The following SHROOM4 variants were observed in gnomAD, a reference collection of about 807,000 sequenced individuals.
SHROOM4 encodes shroom family member 4.
A neutral mutation model predicts 80.3 loss-of-function variants in SHROOM4; 17 were observed. The ratio of observed to expected loss-of-function variants is 0.21; its 90% CI spans 0.14 to 0.32. The LOEUF is 0.32. SHROOM4 is among the 10% of genes least tolerant of loss of function. The probability of loss-of-function intolerance (pLI) is 1.00; values close to 1 mark genes in which losing one functional copy is unlikely to be tolerated. For missense variants in SHROOM4, 993 were observed against 1,140.3 expected, an observed-to-expected ratio of 0.87 and a Z score of 1.86; for synonymous variants, 400 against 437.5, an observed-to-expected ratio of 0.91 and a Z score of 1.07.
At chrX:50,699,422 T>C (rs941960427) in intron 1 of SHROOM4, among the ~76,000 whole-genome samples, 1 of 112,219 alleles carries the variant, frequency 8.9e-6, no homozygotes, top group Non-Finnish European at 1.9e-5. Flanking sequence ...TTTTCAGCTC[T>C]GACATTCAGT....
intron 5 of SHROOM4, among the ~76,000 whole-genome samples, chrX:50,613,826 G>A (rs937358107): frequency 8.9e-6 from 1 of 111,926 alleles, no homozygotes; most frequent in Non-Finnish European, 1.9e-5. Context: ...AATTAAAATC[G>A]TAAGAATTAT....
chrX:50,695,223 A>G (rs926760958), intron 2 of SHROOM4, among the ~76,000 whole-genome samples: 1 of 112,225 alleles, frequency 8.9e-6, no homozygotes, highest in African/African-American at 3.2e-5. Context: ...TACCTTCTGC[A>G]GTGATCTCTT....
chrX:50,712,465 A>G (rs904609529), intron 1 of SHROOM4, among the ~76,000 whole-genome samples: 2 of 112,108 alleles, frequency 1.8e-5, no homozygotes, highest in African/African-American at 6.5e-5. Context: ...TCAAAGGATA[A>G]ATGCTTGAAA....
chrX:50,726,634 G>A (rs1002445782), intron 1 of SHROOM4, among the ~76,000 whole-genome samples: 3 of 112,743 alleles, frequency 2.7e-5, no homozygotes, highest in Non-Finnish European at 5.6e-5. Context: ...TGCTTCAGAG[G>A]GTGCAAGCCT....
At chrX:50,786,295 A>T (rs782324353) in intron 1 of SHROOM4, among the ~76,000 whole-genome samples, 10 of 111,746 alleles carry the variant, frequency 8.9e-5, no homozygotes, top group Non-Finnish European at 1.7e-4. Flanking sequence ...GCACCTAGCC[A>T]CCTTGGAACC....
intron 2 of SHROOM4, among the ~76,000 whole-genome samples, chrX:50,676,646 C>T (rs1932858254): frequency 9.1e-6 from 1 of 110,420 alleles, no homozygotes; most frequent in Non-Finnish European, 1.9e-5. Context: ...TTCTTTGTAC[C>T]CATCTTTAGC....
chrX:50,592,958 G>C lies in SHROOM4; in HGVS notation c.*3737C>G, dbSNP rs186233514. ...GAAGAAATATATCAGTGAGCTAAAG[G>C]GCAGGGCTGTGATCCTGAGATCCTT... is the stretch of plus-strand genomic sequence containing the variant. On this transcript the variant is annotated 3_prime_UTR_variant, in exon 9 of 9. Transcript: ENST00000376020. 1 of 111,932 alleles carries C rather than the reference G, an allele frequency of 8.9e-6. No homozygotes were observed. Among genetic ancestry groups the C allele is most frequent in the Non-Finnish European group, 1.9e-5 (1 of 53,252 alleles). 9.2% of individuals were successfully genotyped at this position (111,932 alleles called of 1,213,427 possible). A position where few individuals can be genotyped will look rare whatever the true frequency, so the allele number is the denominator to read the frequency against.
intron 2 of SHROOM4, among the ~76,000 whole-genome samples, chrX:50,683,536 GAGA>G (rs782801469): frequency 4.2e-4 from 47 of 111,657 alleles, no homozygotes; most frequent in African/African-American, 1.4e-3. Context: ...GCAAACAAGA[GAGA>G]AGAAGTTTGA....
chrX:50,684,143 G>A (rs1933004519), intron 2 of SHROOM4, among the ~76,000 whole-genome samples: 1 of 112,013 alleles, frequency 8.9e-6, no homozygotes, highest in African/African-American at 3.2e-5. Context: ...CCTGTTTGGA[G>A]ACAGAGCCTT....
At chrX:50,812,873 G>A (rs1290383884) in intron 1 of SHROOM4, among the ~76,000 whole-genome samples, 1 of 111,965 alleles carries the variant, frequency 8.9e-6, no homozygotes, top group African/African-American at 3.3e-5. Context: ...AGGGCTTTTC[G>A]GATTTGAGGA....
chrX:50,683,219 G>A (rs1375732813), intron 2 of SHROOM4, among the ~76,000 whole-genome samples: 1 of 111,431 alleles, frequency 9.0e-6, no homozygotes, highest in Non-Finnish European at 1.9e-5. Flanking sequence ...TCCCTCTAGA[G>A]AACTCTGACG....
In SHROOM4 at chrX:50,681,116, G is replaced by A. The variant is rs990593196; in HGVS notation, c.269+14670C>T. ...ATCTCCATCACTAAAATCCAAATCC[G>A]ACTCATTACCATCTCTTGCTTGAAT... On this transcript the variant is annotated intron_variant, in intron 2 of 8. Coordinates refer to ENST00000376020, the MANE Select transcript of SHROOM4 (RefSeq NM_020717.5). Among the ~76,000 whole-genome samples, 7 of 110,416 alleles carry A rather than the reference G, an allele frequency of 6.3e-5. No individual in the cohort carries two copies. In the East Asian group the frequency reaches 2.0e-3, roughly 32 times the overall value.
intron 1 of SHROOM4, among the ~76,000 whole-genome samples, chrX:50,708,608 A>G (rs1051150271): frequency 2.7e-5 from 3 of 112,187 alleles, no homozygotes; most frequent in African/African-American, 9.7e-5. Flanking sequence ...GTGCTCAAAA[A>G]TAGTCTCTAC....
intron 1 of SHROOM4, among the ~76,000 whole-genome samples, chrX:50,775,867 G>A (rs782086140): frequency 8.9e-6 from 1 of 112,372 alleles, no homozygotes; most frequent in Non-Finnish European, 1.9e-5. Context: ...GGAAATTCCA[G>A]TAAGAAAAGA....
At chrX:50,646,282 C>T (rs1332439218) in intron 2 of SHROOM4, among the ~76,000 whole-genome samples, 1 of 111,489 alleles carries the variant, frequency 9.0e-6, no homozygotes, top group Non-Finnish European at 1.9e-5. Flanking sequence ...GCACATTCCA[C>T]CTGCCCCACA....
At chrX:50,786,624 C>T (rs962904374) in intron 1 of SHROOM4, among the ~76,000 whole-genome samples, 1 of 111,270 alleles carries the variant, frequency 9.0e-6, no homozygotes, top group Non-Finnish European at 1.9e-5. Context: ...TTTAAAAGGC[C>T]CCCTAAATCT....
intron 4 of SHROOM4, among the ~76,000 whole-genome samples, chrX:50,628,067 C>A (rs1289307956): frequency 2.7e-5 from 3 of 112,186 alleles, no homozygotes; most frequent in Non-Finnish European, 3.8e-5. Context: ...ATTCCTCCTG[C>A]CTCTTCCAAC....
rs1293518889 is a variant in SHROOM4, at chrX:50,608,562, A to G, written c.2958-378T>C. Among the ~76,000 whole-genome samples, 6 of 111,869 alleles carry G rather than the reference A, an allele frequency of 5.4e-5. No homozygotes were observed. The Admixed American group carries it at 5.7e-4, about 11-fold the overall frequency. On this transcript the variant is annotated intron_variant, in intron 5 of 8. Transcript: ENST00000376020. Reference sequence around the variant, plus strand: ...ATTTGAACTTGAACAGTTTAGCTCCAAAGTCTGGATATACACATACTACCC... The same window carrying G: ...ATTTGAACTTGAACAGTTTAGCTCCGAAGTCTGGATATACACATACTACCC...
In SHROOM4 at chrX:50,588,952, C is replaced by G. The variant is rs1457808382; in HGVS notation, c.*7743G>C. Among the ~76,000 whole-genome samples, 1 of 111,889 alleles carries G rather than the reference C, an allele frequency of 8.9e-6. No individual in the cohort carries two copies. Among genetic ancestry groups the G allele is most frequent in the African/African-American group, 3.2e-5 (1 of 30,827 alleles). Reference sequence around the variant, plus strand: ...AAATTGGTAGAATCAGGATTTAAAACTTGGTTTATTTGCCCAATGAGCCGA... The same window carrying G: ...AAATTGGTAGAATCAGGATTTAAAAGTTGGTTTATTTGCCCAATGAGCCGA... On this transcript the variant is annotated 3_prime_UTR_variant, in exon 9 of 9. Coordinates refer to ENST00000376020, the MANE Select transcript of SHROOM4 (RefSeq NM_020717.5).
Sources: gnomAD v4.1 joint callset for allele counts (sites outside exome capture counted in the v4.1 genomes callset) on GRCh38, gnomAD v4.1.1 for gene constraint, MANE v1.5 for transcripts, NCBI Gene and HGNC (gene_info 2026-07-23, HGNC 2026-07-21) for gene names.